CFAP61: variants seen among roughly 807,000 people sequenced by gnomAD.
CFAP61 encodes the protein cilia- and flagella-associated protein 61.
In CFAP61, 107 loss-of-function variants were observed where a neutral mutation model predicts 135.6. The ratio of observed to expected loss-of-function variants is 0.79; its 90% CI spans 0.67 to 0.93. The LOEUF (loss-of-function observed/expected upper bound fraction) is 0.93. Among genes scored for constraint, CFAP61 ranks in the 40% least tolerant of loss-of-function variants. The pLI, the probability that CFAP61 is intolerant of heterozygous loss-of-function variation, is 0.00. For synonymous variants in CFAP61, 575 were observed against 578.5 expected (o/e 0.99, Z 0.09); for missense variants, 1,507 against 1,556.2 (o/e 0.97, Z 0.53).
At chr20:20,313,139 G>C (rs1462616746) in intron 25 of CFAP61, among the ~76,000 whole-genome samples, 1 of 152,106 alleles carries the variant, frequency 6.6e-6, no homozygotes, top group Non-Finnish European at 1.5e-5. Flanking sequence ...ATAAGGATGG[G>C]ACTCTTAGGA....
Position 20,249,291 on chromosome 20 carries a change from T to C in CFAP61, c.2160-2304T>C, listed in dbSNP as rs185431215. 8.7e-3 allele frequency among the ~76,000 whole-genome samples: 1,329 copies of C among 152,234 alleles called. 71 individuals are homozygous for C. Among genetic ancestry groups the C allele is most frequent in the Admixed American group, 0.079 (1,202 of 15,286 alleles). On this transcript the variant is annotated intron_variant, in intron 19 of 26. Transcript: ENST00000245957. ...AGAAATGGCCAGGTAATCCCAGCAC[T>C]TTGGGAGGCCAAGGTGAGAAGATTG...
chr20:20,077,813 GT>G (rs1436015690), intron 6 of CFAP61, among the ~76,000 whole-genome samples: 4 of 146,598 alleles, frequency 2.7e-5, no homozygotes, highest in African/African-American at 8.3e-5. Flanking sequence ...TAAGATAGGG[GT>G]TGTGGAGACA....
intron 21 of CFAP61, 122 bp from the exon 22 acceptor site, chr20:20,277,044 C>A: frequency 1.4e-6 from 1 of 725,128 alleles, no homozygotes; most frequent in Non-Finnish European, 2.2e-6. Context: ...TAGGTAACAC[C>A]GCTGGCTTCC....
intron 8 of CFAP61, among the ~76,000 whole-genome samples, chr20:20,124,434 A>T (rs992392352): frequency 6.6e-6 from 1 of 151,792 alleles, no homozygotes; most frequent in Admixed American, 6.6e-5. Context: ...TTTTGCTGAC[A>T]GTTTTAATCA....
At chr20:20,134,787 G>C (rs2050792450) in intron 8 of CFAP61, among the ~76,000 whole-genome samples, 1 of 152,150 alleles carries the variant, frequency 6.6e-6, no homozygotes, top group African/African-American at 2.4e-5. Context: ...TGGATTATTT[G>C]ATGAAGATGC....
chr20:20,171,474 G>A (rs1459413704), intron 13 of CFAP61, among the ~76,000 whole-genome samples: 1 of 152,164 alleles, frequency 6.6e-6, no homozygotes, highest in Non-Finnish European at 1.5e-5. Context: ...TGTAAGTGAA[G>A]TTTAATGTGT....
At chr20:20,295,423 C>T (rs529757433) in intron 24 of CFAP61, among the ~76,000 whole-genome samples, 120 of 152,230 alleles carry the variant, frequency 7.9e-4, no homozygotes, top group Middle Eastern at 3.4e-3. Flanking sequence ...GTCTGTGGTG[C>T]GTCCTCTCCC....
intron 13 of CFAP61, among the ~76,000 whole-genome samples, chr20:20,178,465 C>T (rs989701034): frequency 2.0e-5 from 3 of 152,172 alleles, no homozygotes; most frequent in African/African-American, 4.8e-5. Context: ...GAACTGGTTG[C>T]CCACTCCATC....
chr20:20,104,712 C>G (rs761154366), intron 8 of CFAP61, among the ~76,000 whole-genome samples: 1 of 152,202 alleles, frequency 6.6e-6, no homozygotes, highest in Non-Finnish European at 1.5e-5. Context: ...GTGCCACAGA[C>G]TGGGTGGCTT....
intron 13 of CFAP61, among the ~76,000 whole-genome samples, chr20:20,177,946 A>G (rs964799428): frequency 3.9e-5 from 6 of 151,990 alleles, no homozygotes; most frequent in South Asian, 2.1e-4. Context: ...ATGTTCTTCT[A>G]TTTTTTGCTT....
intron 25 of CFAP61, among the ~76,000 whole-genome samples, chr20:20,336,635 A>C (rs1482095354): frequency 6.6e-6 from 1 of 152,212 alleles, no homozygotes; most frequent in Admixed American, 6.5e-5. Context: ...TAAAAAAAAA[A>C]AAAAATTTTA....
chr20:20,211,783 T>G (rs1196175888), intron 17 of CFAP61, among the ~76,000 whole-genome samples: 1 of 152,238 alleles, frequency 6.6e-6, no homozygotes, highest in African/African-American at 2.4e-5. Flanking sequence ...ACTGTAATTG[T>G]GGTTTTTATG....
intron 25 of CFAP61, among the ~76,000 whole-genome samples, chr20:20,327,073 G>T (rs1355573644): frequency 6.6e-6 from 1 of 152,002 alleles, no homozygotes; most frequent in Non-Finnish European, 1.5e-5. Flanking sequence ...TTTTAAAAAA[G>T]ATATTGGTAG....
chr20:20,146,049 C>T (rs1468504109), intron 9 of CFAP61, among the ~76,000 whole-genome samples: 1 of 152,174 alleles, frequency 6.6e-6, no homozygotes, highest in Non-Finnish European at 1.5e-5. Flanking sequence ...CCTCAGCATC[C>T]CATCAAATGT....
intron 25 of CFAP61, among the ~76,000 whole-genome samples, chr20:20,324,841 A>G (rs1227740058): frequency 6.6e-6 from 1 of 152,044 alleles, no homozygotes; most frequent in Non-Finnish European, 1.5e-5. Context: ...AGTCATTTGT[A>G]TTTATTCTTC....
At chr20:20,327,714 A>G (rs1247008887) in intron 25 of CFAP61, among the ~76,000 whole-genome samples, 2 of 142,914 alleles carry the variant, frequency 1.4e-5, no homozygotes, top group Non-Finnish European at 3.0e-5. Context: ...CCAATCCTAG[A>G]GAAGGTGATT....
chr20:20,156,054 T>C (rs2052879972), intron 9 of CFAP61, among the ~76,000 whole-genome samples: 2 of 151,954 alleles, frequency 1.3e-5, no homozygotes, highest in Admixed American at 6.6e-5. Context: ...TATCTGCACA[T>C]TGGGTACAGT....
chr20:20,178,593 A>G lies in CFAP61; in HGVS notation c.1385+9133A>G, dbSNP rs189590141. 1.7e-3 allele frequency among the ~76,000 whole-genome samples: 260 copies of G among 152,342 alleles called. 1 individual carries two copies. Among genetic ancestry groups the G allele is most frequent in the South Asian group, 7.5e-3 (36 of 4,826 alleles). ...GCTAGGAATTATTTTTTATAAATAA[A>G]TATTTACTGCTGAGTTAGATCATAC... On this transcript the variant is annotated intron_variant, in intron 13 of 26. Coordinates refer to ENST00000245957, the MANE Select transcript of CFAP61 (RefSeq NM_015585.4).
At position 20,286,626 on chromosome 20, in the gene CFAP61, T is replaced by C. The variant is rs185965213; in HGVS notation, c.2797-1983T>C. On this transcript the variant is annotated intron_variant, in intron 22 of 26. Transcript: ENST00000245957. ...ATTACCTCTTCCTATTTGTACCCAA[T>C]ATGTAGTATTCCACTGGCGTTACAG... is the stretch of plus-strand genomic sequence containing the variant. Among the ~76,000 whole-genome samples, 90 of 152,372 alleles carry C rather than the reference T, an allele frequency of 5.9e-4. 1 individual carries two copies. The East Asian group carries it at 9.8e-3, about 17-fold the overall frequency.
Sources: gnomAD v4.1 joint callset for allele counts (sites outside exome capture counted in the v4.1 genomes callset) on GRCh38, gnomAD v4.1.1 for gene constraint, MANE v1.5 for transcripts, NCBI Gene and HGNC (gene_info 2026-07-23, HGNC 2026-07-21) for gene names.